RHOBTB1: variants seen among roughly 807,000 people sequenced by gnomAD.
RHOBTB1 encodes the protein rho-related BTB domain-containing protein 1.
Under a neutral mutation model 71.6 loss-of-function variants are expected in RHOBTB1, and 40 were observed. That is an observed-to-expected ratio of 0.56 (90% CI 0.43 to 0.73). RHOBTB1 has a LOEUF of 0.73. RHOBTB1 is among the 30% of genes least tolerant of loss of function. The probability of loss-of-function intolerance (pLI) is 0.00; values close to 1 mark genes in which losing one functional copy is unlikely to be tolerated. For synonymous variants in RHOBTB1, 319 were observed against 334.9 expected (o/e 0.95, Z 0.52); for missense variants, 797 against 894.0 (o/e 0.89, Z 1.38).
In RHOBTB1 at chr10:60,963,189, T is replaced by C. The variant is rs1331634584; in HGVS notation, c.-61-21335A>G. On this transcript the variant is annotated intron_variant, in intron 2 of 11. Transcript: ENST00000357917. ...GTTCTCAAAGCCACTCATTGCTGTA[T>C]GGGTAGGCAATTTTCATTGCCCTCC... Among the ~76,000 whole-genome samples the C allele has an allele frequency of 5.9e-5, 9 of 152,298 alleles. No individual in the cohort carries two copies. The East Asian group carries it at 1.7e-3, about 29-fold the overall frequency.
chr10:60,894,403 T>C (rs1370156781), intron 4 of RHOBTB1, among the ~76,000 whole-genome samples: 1 of 152,106 alleles, frequency 6.6e-6, no homozygotes, highest in Non-Finnish European at 1.5e-5. Flanking sequence ...AATAAAGATA[T>C]CAAGATTTTT....
At chr10:60,985,242 A>T (rs1225187430) in intron 2 of RHOBTB1, among the ~76,000 whole-genome samples, 1 of 152,210 alleles carries the variant, frequency 6.6e-6, no homozygotes, top group Admixed American at 6.5e-5. Flanking sequence ...AGGAGAGTAA[A>T]CTGTCCATTT....
rs769153366 is a variant in RHOBTB1 at position 60,888,323 on chromosome 10, C to A, written c.1345G>T (p.Val449Leu). 5 of 1,614,114 alleles carry A rather than the reference C, an allele frequency of 3.1e-6. No homozygotes were observed. The highest frequency in any genetic ancestry group is 3.4e-6 in the Non-Finnish European group (4 of 1,180,006). ...GCTTCCTTGTTCATGATGTTTTCCA[C>A]CATCATCCTCAAATCGAACATCTCG... ...VLEMFDLRMMVENIMNKEAFM... is the reference protein window; with the variant it reads ...VLEMFDLRMMLENIMNKEAFM... The change falls in exon 6 of 11, where the codon GTG becomes TTG. Residue 449 changes from valine to leucine, a missense_variant. This residue lies in a region of RHOBTB1 where 658 missense variants were observed against 681.5 expected (regional missense o/e 0.97). Transcript: ENST00000337910.
the RHOBTB1 span, among the ~76,000 whole-genome samples, chr10:60,861,386 C>T: frequency 0.032 from 4,831 of 152,238 alleles, 233 homozygotes; most frequent in African/African-American, 0.11. Context: ...GGGAAACTGA[C>T]AGCTGTAATG....
intron 2 of RHOBTB1, among the ~76,000 whole-genome samples, chr10:60,955,606 T>C (rs1339539346): frequency 6.6e-6 from 1 of 152,092 alleles, no homozygotes; most frequent in Non-Finnish European, 1.5e-5. Flanking sequence ...TGCCAGACTA[T>C]TGTGTACCAG....
chr10:60,945,973 T>A (rs1286087375), upstream of RHOBTB1, among the ~76,000 whole-genome samples: 1 of 151,820 alleles, frequency 6.6e-6, no homozygotes, highest in Admixed American at 6.6e-5. Context: ...AGGTCAGGAG[T>A]TCGAAACCAG....
intron 2 of RHOBTB1, among the ~76,000 whole-genome samples, chr10:60,971,267 A>T (rs2086146396): frequency 6.6e-6 from 1 of 152,136 alleles, no homozygotes; most frequent in Non-Finnish European, 1.5e-5. Flanking sequence ...ACAAAGCTGG[A>T]GGCATCACGC....
At chr10:60,981,865 G>T (rs2086507452) in intron 2 of RHOBTB1, among the ~76,000 whole-genome samples, 1 of 152,086 alleles carries the variant, frequency 6.6e-6, no homozygotes, top group African/African-American at 2.4e-5. Flanking sequence ...TGCCTCCTGG[G>T]TTCAAGTGAT....
At chr10:60,970,198 TA>T (rs1251755597) in intron 2 of RHOBTB1, among the ~76,000 whole-genome samples, 2 of 152,106 alleles carry the variant, frequency 1.3e-5, no homozygotes, top group South Asian at 2.1e-4. Flanking sequence ...ATGCTATAAT[TA>T]AAAAAATTGG....
At chr10:60,950,172 A>AT (rs2134380854) in intron 2 of RHOBTB1, among the ~76,000 whole-genome samples, 1 of 152,348 alleles carries the variant, frequency 6.6e-6, no homozygotes, top group South Asian at 2.1e-4. Flanking sequence ...TAGGCATGGC[A>AT]TAGCAGATTG....
At chr10:60,886,717 T>TTG (rs142829911) in intron 6 of RHOBTB1, among the ~76,000 whole-genome samples, 6 of 137,484 alleles carry the variant, frequency 4.4e-5, no homozygotes, top group South Asian at 2.5e-4. Context: ...TTAAGAGATG[T>TTG]GGGGGGGGGT....
At position 60,989,034 on chromosome 10, in the gene RHOBTB1, A is replaced by G. The variant is rs7084565; in HGVS notation, c.-162-3089T>C. On this transcript the variant is annotated intron_variant, in intron 1 of 11. Coordinates refer to the RHOBTB1 transcript ENST00000357917. ...TGGGATAATATTCAATGCTCTAAAA[A>G]TTATAGGAGATTAAAGGATTTTTTT... Among the ~76,000 whole-genome samples, 321 of 152,336 alleles carry G rather than the reference A, an allele frequency of 2.1e-3. 2 individuals carry two copies. The highest frequency in any genetic ancestry group is 6.7e-3 in the African/African-American group (277 of 41,568).
chr10:60,961,298 C>T (rs745598604), intron 2 of RHOBTB1, among the ~76,000 whole-genome samples: 7 of 152,126 alleles, frequency 4.6e-5, no homozygotes, highest in Non-Finnish European at 1.0e-4. Context: ...CTGGACACAT[C>T]TGGATTAGAA....
At chr10:60,867,988 T>C (rs1185800542), downstream of RHOBTB1, among the ~76,000 whole-genome samples, 1 of 152,214 alleles carries the variant, frequency 6.6e-6, no homozygotes, top group East Asian at 1.9e-4. Flanking sequence ...ATAAATAATA[T>C]ATCTGTGGCT....
intron 2 of RHOBTB1, among the ~76,000 whole-genome samples, chr10:60,980,677 C>A (rs1171525594): frequency 6.6e-6 from 1 of 151,978 alleles, no homozygotes; most frequent in Non-Finnish European, 1.5e-5. Context: ...AAAGTGGGGT[C>A]TTCTCTGGGG....
downstream of RHOBTB1, among the ~76,000 whole-genome samples, chr10:60,868,307 T>G (rs2080650647): frequency 1.3e-5 from 2 of 152,188 alleles, no homozygotes; most frequent in South Asian, 4.1e-4. Flanking sequence ...ATCTATCATC[T>G]ATCTATCTAT....
chr10:60,886,110 A>C lies in RHOBTB1; in HGVS notation c.1575+2T>G. 6.2e-7 allele frequency: 1 copy of C among 1,605,888 alleles called. No homozygotes were observed. Among genetic ancestry groups the C allele is most frequent in the Non-Finnish European group, 8.5e-7 (1 of 1,172,498 alleles). ...CCACTATGCTTTTAGGAAGGCACGT[A>C]CCTCACTGTTGGCACTTTCCACAAA... On this transcript the variant is annotated splice_donor_variant, in intron 7 of 10. Coordinates refer to ENST00000337910, the MANE Select transcript of RHOBTB1 (RefSeq NM_014836.5). LOFTEE classifies it high-confidence loss of function.
chr10:60,889,870 G>A (rs1186443528), intron 5 of RHOBTB1, among the ~76,000 whole-genome samples: 1 of 152,182 alleles, frequency 6.6e-6, no homozygotes, highest in African/African-American at 2.4e-5. Context: ...TCGACAGTAA[G>A]TGCCTGATAA....
At chr10:60,983,931 T>A (rs2086582739) in intron 2 of RHOBTB1, among the ~76,000 whole-genome samples, 1 of 152,206 alleles carries the variant, frequency 6.6e-6, no homozygotes, top group Non-Finnish European at 1.5e-5. Flanking sequence ...AAGATTTCCA[T>A]AGTTTGGATC....
Sources: allele counts gnomAD v4.1 joint callset (sites outside exome capture counted in the v4.1 genomes callset), GRCh38; gene constraint gnomAD v4.1.1; regional missense constraint gnomAD v4.1.1; transcripts MANE v1.5; gene names NCBI Gene and HGNC (gene_info 2026-07-23, HGNC 2026-07-21).